The following DBX1 variants were observed in gnomAD, a reference collection of about 807,000 sequenced individuals.
DBX1 encodes the protein homeobox protein DBX1.
DBX1 carries 10 observed loss-of-function variants against 20.8 expected under a neutral mutation model. That is an observed-to-expected ratio of 0.48 (90% CI 0.30 to 0.82). The LOEUF (loss-of-function observed/expected upper bound fraction) is 0.82. DBX1 is among the 40% of genes least tolerant of loss of function. The pLI, the probability that DBX1 is intolerant of heterozygous loss-of-function variation, is 0.07. For missense variants in DBX1, 505 were observed against 468.8 expected, an observed-to-expected ratio of 1.08 and a Z score of -0.71; for synonymous variants, 241 against 213.9, an observed-to-expected ratio of 1.13 and a Z score of -1.11.
Position 20,160,426 on chromosome 11 carries a change from TAGCAAAC to T in DBX1, c.-109_-103del. The T allele has an allele frequency of 7.3e-7, 1 of 1,367,620 alleles. No individual in the cohort carries two copies. Among genetic ancestry groups the T allele is most frequent in the South Asian group, 1.6e-5 (1 of 62,106 alleles). 84.7% of individuals were successfully genotyped at this position (1,367,620 alleles called of 1,614,324 possible). On this transcript the variant is annotated 5_prime_UTR_variant, in exon 1 of 4. Transcript: ENST00000524983. ...CCCACAGTGTCCTCTCTCTTGGGCT[TAGCAAAC>T]GTCTCCAAGTAACAATCCCACTTGG...
chr11:20,156,841 C>T lies in DBX1; in HGVS notation c.672+196G>A. ...GAGGCCGGGAGAGAAGGCGGGGAGT[C>T]GGGGTGGGGAGAGAAGAGGGCTATC... On this transcript the variant is annotated intron_variant, in intron 3 of 3. Coordinates refer to ENST00000524983, the MANE Select transcript of DBX1 (RefSeq NM_001029865.4). This position sits in a 1 kb window ranked among gnomAD's most constrained non-coding sequence, Gnocchi z 4.8. The T allele has an allele frequency of 1.4e-6, 1 of 738,578 alleles. No homozygotes were observed. The highest frequency in any genetic ancestry group is 2.2e-6 in the Non-Finnish European group (1 of 451,364). 45.8% of individuals were successfully genotyped at this position (738,578 alleles called of 1,614,324 possible).
At position 20,160,238 on chromosome 11, in the gene DBX1, C is replaced by T. The variant is rs759671328; in HGVS notation, c.87G>A (p.Leu29=). The change falls in exon 1 of 4, where the codon TTG becomes TTA. Residue 29 remains leucine (L), a synonymous_variant. Transcript: ENST00000524983. Reference sequence around the variant, plus strand: ...TGGAGTGGCCGGAAAATGCCGACTGCAAGGACTGGGGCAGCGTCAAGGTGG... The same window carrying T: ...TGGAGTGGCCGGAAAATGCCGACTGTAAGGACTGGGGCAGCGTCAAGGTGG... ...PTPTLTLPQS[L]QSAFSGHSSF... is the part of the protein sequence containing the mutation. The T allele has an allele frequency of 1.3e-6, 2 of 1,545,638 alleles. No homozygotes were observed. Among genetic ancestry groups the T allele is most frequent in the Non-Finnish European group, 1.7e-6 (2 of 1,146,534 alleles).
chr11:20,159,925 T>G, intron 1 of DBX1, 33 bp downstream of exon 1: 2 of 1,613,692 alleles, frequency 1.2e-6, no homozygotes, highest in Non-Finnish European at 1.7e-6. Flanking sequence ...GCCTAGTACC[T>G]GAATGGGCCC....
At chr11:20,158,686 G>A (rs1176087287) in intron 2 of DBX1, among the ~76,000 whole-genome samples, 2 of 152,074 alleles carry the variant, frequency 1.3e-5, no homozygotes, top group African/African-American at 2.4e-5. Flanking sequence ...ACACAAGAGG[G>A]CACCCCATGT....
rs1012337932 is a variant in DBX1 at position 20,160,290 on chromosome 11, C to T, written c.35G>A (p.Gly12Glu). ...MFPGLLAPPAGYPSLLRPTPT... is the reference protein window; with the variant it reads ...MFPGLLAPPAEYPSLLRPTPT... Reference sequence around the variant, plus strand: ...CGTGGGCCGCAGGAGGCTAGGGTACCCGGCGGGGGGCGCGAGGAGGCCGGG... The same window carrying T: ...CGTGGGCCGCAGGAGGCTAGGGTACTCGGCGGGGGGCGCGAGGAGGCCGGG... The change falls in exon 1 of 4, where the codon GGG becomes GAG. Residue 12 changes from glycine (G) to glutamate (E), a missense_variant. Gly to Glu is a moderately conservative substitution (Grantham distance 98). Transcript: ENST00000524983. The T allele has an allele frequency of 1.3e-6, 2 of 1,531,090 alleles. No individual in the cohort carries two copies. The highest frequency in any genetic ancestry group is 1.8e-6 in the Non-Finnish European group (2 of 1,140,530). The allele number at this position is 1,531,090 out of a possible 1,614,324, so 94.8% of individuals were successfully genotyped here. A position where few individuals can be genotyped will look rare whatever the true frequency, so the allele number is the denominator to read the frequency against.
Position 20,160,195 on chromosome 11 carries a change from G to A in DBX1, c.130C>T (p.Leu44=), listed in dbSNP as rs189086023. ...GCGGGGGGTCGGCTGATGCGGATCA[G>A]ATCCTCCACCAGGAAGCTGGAGTGG... The part of the protein sequence containing the change: ...SGHSSFLVED[L]IRISRPPAYL... Residue 44 remains leucine, a synonymous_variant, in exon 1 of 4, where the codon CTG becomes TTG. Coordinates refer to ENST00000524983, the MANE Select transcript of DBX1 (RefSeq NM_001029865.4). 6.0e-4 allele frequency: 932 copies of A among 1,547,970 alleles called. 9 individuals are homozygous for A. The African/African-American group carries it at 0.01, about 17-fold the overall frequency.
At chr11:20,159,842 AT>A in intron 1 of DBX1, 115 bp downstream of exon 1, 22 of 1,402,130 alleles carry the variant, frequency 1.6e-5, no homozygotes, top group Non-Finnish European at 2.0e-5. Flanking sequence ...GTTCGTGCGT[AT>A]TGTGTGTGCA....
In DBX1 at chr11:20,159,983, G is replaced by A. The variant is rs1227319606; in HGVS notation, c.342C>T (p.Ala114=). The A allele has an allele frequency of 4.3e-6, 7 of 1,613,816 alleles. No individual in the cohort carries two copies. The highest frequency in any genetic ancestry group is 5.9e-6 in the Non-Finnish European group (7 of 1,179,996). ...CTGTTCTGGGCCCCGAGGAGAGGAT[G>A]GCGTTCACTCCAAACTTCAGAAACG... ...ETTFLKFGVN[A]ILSSGPRTET... The change falls in exon 1 of 4, where the codon GCC becomes GCT. Residue 114 remains alanine (A), a synonymous_variant. Coordinates refer to ENST00000524983, the MANE Select transcript of DBX1 (RefSeq NM_001029865.4).
Position 20,156,435 on chromosome 11 carries a change from T to A in DBX1, c.811A>T (p.Lys271Ter). 1 of 1,608,496 alleles carries A rather than the reference T, an allele frequency of 6.2e-7. No homozygotes were observed. Among genetic ancestry groups the A allele is most frequent in the Non-Finnish European group, 8.5e-7 (1 of 1,177,352 alleles). The change falls in exon 4 of 4, where the codon AAG (lysine) becomes TAG (stop). Residue 271 changes from lysine to a stop codon, truncating the protein, a stop_gained. Coordinates refer to ENST00000524983, the MANE Select transcript of DBX1 (RefSeq NM_001029865.4). LOFTEE classifies it low-confidence loss of function (END_TRUNC). The surrounding 1 kb of genome is among the most constrained non-coding windows in gnomAD (Gnocchi z 4.8). ...TCCTCCTCTTCGTTCCCAGGGCCCT[T>A]CTGGCCCACGTCGCTGAGGTCCGGG... ...PHPDLSDVGQ[K>*]GPGNEEEEEG... is the part of the protein sequence containing the mutation.
Position 20,160,001 on chromosome 11 carries a change from C to A in DBX1, c.324G>T (p.Leu108=). The A allele has an allele frequency of 6.2e-7, 1 of 1,613,488 alleles. No homozygotes were observed. The highest frequency in any genetic ancestry group is 8.5e-7 in the Non-Finnish European group (1 of 1,179,820). Reference sequence around the variant, plus strand: ...AGAGGATGGCGTTCACTCCAAACTTCAGAAACGTCGTCTCGCTGGCAGGGG... The same window carrying A: ...AGAGGATGGCGTTCACTCCAAACTTAAGAAACGTCGTCTCGCTGGCAGGGG... The part of the protein sequence containing the change: ...AFSPASETTF[L]KFGVNAILSS... The change falls in exon 1 of 4, where the codon CTG becomes CTT. Residue 108 remains leucine, a synonymous_variant. Transcript: ENST00000524983.
chr11:20,157,171 G>T lies in DBX1; in HGVS notation c.538C>A (p.Arg180=), dbSNP rs831464. Reference sequence around the variant, plus strand: ...AAGACTGCTCGACGCAGCATGCCCCGCCGAGGCTTCCCGCGCGCGGCCAGC... The same window carrying T: ...AAGACTGCTCGACGCAGCATGCCCCTCCGAGGCTTCCCGCGCGCGGCCAGC... ...WPLAARGKPR[R]GMLRRAVFSD... Residue 180 remains arginine (R), a synonymous_variant, in exon 3 of 4, where the codon CGG becomes AGG. Transcript: ENST00000524983. 117,715 of 1,608,260 alleles carry T rather than the reference G, an allele frequency of 0.073. 5,486 individuals carry two copies. Among genetic ancestry groups the T allele is most frequent in the African/African-American group, 0.21 (16,001 of 74,954 alleles).
rs1027207993 is a variant in DBX1 at position 20,156,790 on chromosome 11, C to T, written c.673-217G>A. ...TTTGCCTCATCCGCTGCCACCCTGC[C>T]CCGAAGGGCGGGGTTGGGGGCCGGT... On this transcript the variant is annotated intron_variant, in intron 3 of 3. Coordinates refer to ENST00000524983, the MANE Select transcript of DBX1 (RefSeq NM_001029865.4). The surrounding 1 kb of genome is among the most constrained non-coding windows in gnomAD (Gnocchi z 4.8). 2.5e-5 allele frequency: 21 copies of T among 851,110 alleles called. No homozygotes were observed. Among genetic ancestry groups the T allele is most frequent in the East Asian group, 2.3e-4 (9 of 39,324 alleles). 52.7% of individuals were successfully genotyped at this position (851,110 alleles called of 1,614,324 possible). A position where few individuals can be genotyped will look rare whatever the true frequency, so the allele number is the denominator to read the frequency against.
At position 20,156,645 on chromosome 11, in the gene DBX1, G is replaced by A; in HGVS notation, c.673-72C>T. 6.2e-7 allele frequency: 1 copy of A among 1,606,466 alleles called. No individual in the cohort carries two copies. The highest frequency in any genetic ancestry group is 1.7e-4 in the Middle Eastern group (1 of 6,032). On this transcript the variant is annotated intron_variant, in intron 3 of 3. Coordinates refer to ENST00000524983, the MANE Select transcript of DBX1 (RefSeq NM_001029865.4). The surrounding 1 kb of genome is among the most constrained non-coding windows in gnomAD (Gnocchi z 4.8). ...TCAGGGGCTCCGGGGGACGCACGGG[G>A]GCGGGGAGTGGAGTCGGGTGCAGGC...
intron 1 of DBX1, 128 bp downstream of exon 1, chr11:20,159,830 G>A: frequency 3.1e-6 from 4 of 1,309,852 alleles, no homozygotes; most frequent in Non-Finnish European, 4.3e-6. Context: ...TAGGGTCTCA[G>A]AGTTCGTGCG....
At position 20,157,230 on chromosome 11, in the gene DBX1, C is replaced by T. The variant is rs1357011817; in HGVS notation, c.479G>A (p.Ser160Asn). Residue 160 changes from serine (S) to asparagine (N), a missense_variant, in exon 3 of 4, where the codon AGC (serine) becomes AAC (asparagine). Coordinates refer to ENST00000524983, the MANE Select transcript of DBX1 (RefSeq NM_001029865.4). ...GAAGGTCCCGGGGATGGGCACCACG[C>T]TGGAGGAAGCTGCAGGGTGGGGGGA... The part of the protein sequence containing the change: ...IRSSYFPASS[S>N]VVPIPGTFSW... 6.4e-7 allele frequency: 1 copy of T among 1,568,192 alleles called. No homozygotes were observed. The highest frequency in any genetic ancestry group is 8.6e-7 in the Non-Finnish European group (1 of 1,159,612).
intron 2 of DBX1, 138 bp from the exon 3 acceptor site, chr11:20,157,377 C>T (rs896161077): frequency 2.0e-5 from 16 of 781,678 alleles, no homozygotes; most frequent in Middle Eastern, 3.8e-4. Flanking sequence ...GGCCACGAAC[C>T]TACAAACCTG....
Position 20,156,792 on chromosome 11 carries a change from C to G in DBX1, c.673-219G>C. On this transcript the variant is annotated intron_variant, in intron 3 of 3. Coordinates refer to ENST00000524983, the MANE Select transcript of DBX1 (RefSeq NM_001029865.4). This position sits in a 1 kb window ranked among gnomAD's most constrained non-coding sequence, Gnocchi z 4.8. ...TGCCTCATCCGCTGCCACCCTGCCC[C>G]GAAGGGCGGGGTTGGGGGCCGGTGA... 2 of 845,808 alleles carry G rather than the reference C, an allele frequency of 2.4e-6. No individual in the cohort carries two copies. Among genetic ancestry groups the G allele is most frequent in the South Asian group, 3.2e-5 (2 of 63,278 alleles). 52.4% of individuals were successfully genotyped at this position (845,808 alleles called of 1,614,324 possible). A position where few individuals can be genotyped will look rare whatever the true frequency, so the allele number is the denominator to read the frequency against.
chr11:20,159,073 T>A, intron 2 of DBX1, 118 bp downstream of exon 2: 1 of 729,526 alleles, frequency 1.4e-6, no homozygotes, highest in Non-Finnish European at 2.4e-6. Flanking sequence ...CCTCGCAACC[T>A]CTGAACCAGA....
At chr11:20,159,561 A>G (rs2063677399) in intron 1 of DBX1, among the ~76,000 whole-genome samples, 1 of 152,080 alleles carries the variant, frequency 6.6e-6, no homozygotes, top group Non-Finnish European at 1.5e-5. Flanking sequence ...GATAGGACTG[A>G]GTGGGGAGGA....
Sources: allele counts gnomAD v4.1 joint callset (sites outside exome capture counted in the v4.1 genomes callset), GRCh38; gene constraint gnomAD v4.1.1; non-coding constraint Gnocchi (gnomAD v3.1); transcripts MANE v1.5; gene names NCBI Gene and HGNC (gene_info 2026-07-23, HGNC 2026-07-21).